The following SSBP2 variants were observed in gnomAD, a reference collection of about 807,000 sequenced individuals.
SSBP2 encodes the protein single-stranded DNA-binding protein 2.
Under a neutral mutation model 61.8 loss-of-function variants are expected in SSBP2, and 17 were observed. That is an observed-to-expected ratio of 0.28 (90% CI 0.19 to 0.41). The LOEUF (loss-of-function observed/expected upper bound fraction) is 0.41, where lower values mean the gene tolerates loss of function less well. Among genes scored for constraint, SSBP2 ranks in the 10% least tolerant of loss-of-function variants. SSBP2 has a pLI of 1.00. For synonymous variants in SSBP2, 139 were observed against 141.3 expected, an observed-to-expected ratio of 0.98 and a Z score of 0.12; for missense variants, 310 against 458.7, an observed-to-expected ratio of 0.68 and a Z score of 2.96.
At chr5:81,433,553 C>G (rs1762473044) in intron 15 of SSBP2, among the ~76,000 whole-genome samples, 1 of 146,276 alleles carries the variant, frequency 6.8e-6, no homozygotes, top group Non-Finnish European at 1.5e-5. Context: ...TATGACCCTG[C>G]CAAATCCCCC....
intron 4 of SSBP2, among the ~76,000 whole-genome samples, chr5:81,555,523 C>T (rs1772524747): frequency 6.6e-6 from 1 of 152,054 alleles, no homozygotes; most frequent in Admixed American, 6.6e-5. Flanking sequence ...TATACATCTT[C>T]CAGGATGCCT....
intron 4 of SSBP2, among the ~76,000 whole-genome samples, chr5:81,612,507 T>C (rs971776491): frequency 3.9e-5 from 6 of 152,092 alleles, no homozygotes; most frequent in East Asian, 1.9e-4. Flanking sequence ...TATCAAAAGA[T>C]AGTCATTTTA....
chr5:81,500,402 C>T (rs951174568), intron 5 of SSBP2, among the ~76,000 whole-genome samples: 1 of 151,916 alleles, frequency 6.6e-6, no homozygotes, highest in South Asian at 2.1e-4. Flanking sequence ...TTAGTAGAGA[C>T]GGAGTTTCAC....
chr5:81,522,936 A>C (rs1353192519), intron 4 of SSBP2, among the ~76,000 whole-genome samples: 1 of 152,138 alleles, frequency 6.6e-6, no homozygotes, highest in East Asian at 1.9e-4. Context: ...AGAGACCCAG[A>C]AATAACATCA....
intron 1 of SSBP2, among the ~76,000 whole-genome samples, chr5:81,701,194 T>C (rs1753960828): frequency 6.6e-6 from 1 of 152,218 alleles, no homozygotes; most frequent in Non-Finnish European, 1.5e-5. Flanking sequence ...CTAATTGTAA[T>C]ACTTTCATGT....
intron 14 of SSBP2, among the ~76,000 whole-genome samples, chr5:81,439,671 T>TG: frequency 7.0e-6 from 1 of 143,206 alleles, no homozygotes; most frequent in East Asian, 2.0e-4. Flanking sequence ...CAGCTAGTTT[T>TG]TTTTTTTTTT....
chr5:81,500,697 G>A (rs905821678), intron 5 of SSBP2, among the ~76,000 whole-genome samples: 4 of 151,956 alleles, frequency 2.6e-5, no homozygotes, highest in African/African-American at 9.7e-5. Flanking sequence ...TTGACCTTGT[G>A]ATCTGCCTGC....
chr5:81,564,873 A>C (rs1479537522), intron 4 of SSBP2, among the ~76,000 whole-genome samples: 4 of 152,280 alleles, frequency 2.6e-5, no homozygotes, highest in South Asian at 4.1e-4. Context: ...CAAGCAAATA[A>C]GTTAAAAAAC....
rs1353907249 is a variant in SSBP2, at chr5:81,489,402, TAATC to T, written c.373-97_373-94del. 2.3e-4 allele frequency: 247 copies of T among 1,060,028 alleles called. 1 individual carries two copies. The highest frequency in any genetic ancestry group is 3.1e-4 in the Non-Finnish European group (230 of 746,418). 65.7% of individuals were successfully genotyped at this position (1,060,028 alleles called of 1,614,324 possible). On this transcript the variant is annotated intron_variant, in intron 5 of 16. Coordinates refer to ENST00000320672, the MANE Select transcript of SSBP2 (RefSeq NM_012446.5). ...TAAACTACTTAAAAAATTTTAGAAT[TAATC>T]AAATCACAAATCAATGTACTTTGAG...
chr5:81,463,672 C>T (rs1764689374), intron 9 of SSBP2, among the ~76,000 whole-genome samples: 1 of 151,948 alleles, frequency 6.6e-6, no homozygotes, highest in African/African-American at 2.4e-5. Context: ...AGCACTCCAA[C>T]CTGGGTGCAG....
Position 81,448,784 on chromosome 5 carries a change from A to G in SSBP2, c.723+6T>C. 1 of 1,612,268 alleles carries G rather than the reference A, an allele frequency of 6.2e-7. No individual in the cohort carries two copies. The highest frequency in any genetic ancestry group is 1.7e-5 in the Admixed American group (1 of 59,802). ...CTTATAAGCAAACAAACCCAAATGT[A>G]CTTACTACATAATTCCCAGGAGATG... On this transcript the variant is annotated splice_donor_region_variant and intron_variant, in intron 11 of 16. Coordinates refer to ENST00000320672, the MANE Select transcript of SSBP2 (RefSeq NM_012446.5).
chr5:81,460,455 AT>A (rs909231623), intron 10 of SSBP2, among the ~76,000 whole-genome samples: 1 of 152,202 alleles, frequency 6.6e-6, no homozygotes, highest in African/African-American at 2.4e-5. Context: ...ACCTGTGCAC[AT>A]ATTTCTGTGA....
At chr5:81,736,143 A>AACAAACAC (rs1211405852) in intron 1 of SSBP2, among the ~76,000 whole-genome samples, 1 of 75,336 alleles carries the variant, frequency 1.3e-5, no homozygotes, top group African/African-American at 3.6e-5. Context: ...ACTACCCTGA[A>AACAAACAC]ACACACACAC....
At chr5:81,651,012 T>C (rs1581252874) in intron 1 of SSBP2, among the ~76,000 whole-genome samples, 1 of 152,190 alleles carries the variant, frequency 6.6e-6, no homozygotes, top group Non-Finnish European at 1.5e-5. Context: ...AAATATAGAA[T>C]ATTCAATGTG....
chr5:81,663,288 A>G (rs1421837739), intron 1 of SSBP2, among the ~76,000 whole-genome samples: 1 of 152,192 alleles, frequency 6.6e-6, no homozygotes. Flanking sequence ...CTACATATAT[A>G]CATGTCCGTA....
At chr5:81,501,008 G>A (rs975041353) in intron 5 of SSBP2, among the ~76,000 whole-genome samples, 3 of 150,020 alleles carry the variant, frequency 2.0e-5, no homozygotes, top group Non-Finnish European at 4.4e-5. Context: ...GAGATCAGGA[G>A]TTTGAAACCA....
intron 1 of SSBP2, among the ~76,000 whole-genome samples, chr5:81,699,713 A>G (rs887502038): frequency 6.6e-6 from 1 of 152,098 alleles, no homozygotes. Flanking sequence ...TCATGTTCAT[A>G]TTTTTACTTC....
chr5:81,587,832 T>C (rs115415818), intron 4 of SSBP2, among the ~76,000 whole-genome samples: 1 of 151,926 alleles, frequency 6.6e-6, no homozygotes, highest in African/African-American at 2.4e-5. Context: ...CGAAAGGGTA[T>C]AGAAGAAAGG....
intron 1 of SSBP2, among the ~76,000 whole-genome samples, chr5:81,677,235 T>C (rs1752052336): frequency 6.6e-6 from 1 of 152,242 alleles, no homozygotes; most frequent in East Asian, 1.9e-4. Flanking sequence ...ATAAGAAGCT[T>C]AGAAATCACC....
Sources: gnomAD v4.1 joint callset for allele counts (sites outside exome capture counted in the v4.1 genomes callset) on GRCh38, gnomAD v4.1.1 for gene constraint, MANE v1.5 for transcripts, NCBI Gene and HGNC (gene_info 2026-07-23, HGNC 2026-07-21) for gene names.